The following ARHGAP6 variants were observed in gnomAD, a reference collection of about 807,000 sequenced individuals.
ARHGAP6 encodes the protein rho GTPase-activating protein 6.
In ARHGAP6, 16 loss-of-function variants were observed where a neutral mutation model predicts 55.7. The ratio of observed to expected loss-of-function variants is 0.29; its 90% CI spans 0.19 to 0.44. The LOEUF (loss-of-function observed/expected upper bound fraction) is 0.44. Ranked by LOEUF, ARHGAP6 falls within the 20% of genes least tolerant of loss-of-function variation. ARHGAP6 has a pLI of 1.00. For synonymous variants in ARHGAP6, 382 were observed against 360.9 expected, an observed-to-expected ratio of 1.06 and a Z score of -0.66; for missense variants, 698 against 808.9, an observed-to-expected ratio of 0.86 and a Z score of 1.66.
intron 1 of ARHGAP6, among the ~76,000 whole-genome samples, chrX:11,378,454 TA>T (rs1440397278): frequency 8.9e-6 from 1 of 112,326 alleles, no homozygotes; most frequent in East Asian, 2.8e-4. Flanking sequence ...ATAACTGGAA[TA>T]TTTTTTCTTT....
intron 1 of ARHGAP6, among the ~76,000 whole-genome samples, chrX:11,469,355 C>T (rs1311310936): frequency 8.9e-6 from 1 of 112,458 alleles, no homozygotes; most frequent in East Asian, 2.8e-4. Flanking sequence ...TAATTAGTTA[C>T]TTTTCTATTT....
chrX:11,488,823 C>A (rs367584079), intron 1 of ARHGAP6, among the ~76,000 whole-genome samples: 5 of 111,670 alleles, frequency 4.5e-5, no homozygotes, highest in African/African-American at 1.6e-4. Context: ...CCATCCCCCC[C>A]ACAACCCTGG....
intron 1 of ARHGAP6, among the ~76,000 whole-genome samples, chrX:11,380,630 G>A (rs914851589): frequency 2.7e-5 from 3 of 111,837 alleles, no homozygotes; most frequent in African/African-American, 9.8e-5. Context: ...GACAGGGCTC[G>A]TGATTCTGCA....
intron 1 of ARHGAP6, among the ~76,000 whole-genome samples, chrX:11,346,894 AC>A (rs1273778081): frequency 9.0e-6 from 1 of 110,669 alleles, no homozygotes; most frequent in Non-Finnish European, 1.9e-5. Flanking sequence ...AATTATAAAG[AC>A]CCAAATATTG....
chrX:11,169,549 C>A lies in ARHGAP6; in HGVS notation c.1765G>T (p.Ala589Ser), dbSNP rs769596416. The change falls in exon 9 of 13, where the codon GCT becomes TCT. Residue 589 changes from alanine (A) to serine (S), a missense_variant. Around this residue, in one of 3 missense-constraint regions of ARHGAP6, gnomAD observed 322 missense variants for 451.1 expected, o/e 0.71. Coordinates refer to ENST00000337414, the MANE Select transcript of ARHGAP6 (RefSeq NM_013427.3). ...TTTTCAATCATCTTTTGCACAACAG[C>A]GATGATGGCCGTGCTCTCCTCAGCC... is the stretch of plus-strand genomic sequence containing the variant. ...ARAEESTAII[A>S]VVQKMIENYE... 2.5e-6 allele frequency: 3 copies of A among 1,201,108 alleles called. No individual in the cohort carries two copies. The highest frequency in any genetic ancestry group is 3.4e-6 in the Non-Finnish European group (3 of 891,536).
intron 1 of ARHGAP6, among the ~76,000 whole-genome samples, chrX:11,320,635 C>T (rs890152355): frequency 5.4e-5 from 6 of 110,410 alleles, no homozygotes; most frequent in Admixed American, 1.9e-4. Context: ...TAAATTACAG[C>T]CACCTACAAC....
rs942840128 is a variant in ARHGAP6 at position 11,276,119 on chromosome X, A to C, written c.589-21412T>G. Among the ~76,000 whole-genome samples, 7 of 111,386 alleles carry C rather than the reference A, an allele frequency of 6.3e-5. No individual in the cohort carries two copies. The Admixed American group carries it at 6.7e-4, about 11-fold the overall frequency. ...CTTGTGATGTCTCATTGAGGGAGGAAAGAGGAGGGGTGGGAATGTTTAAAT... is the reference window on the plus strand; with the variant it reads ...CTTGTGATGTCTCATTGAGGGAGGACAGAGGAGGGGTGGGAATGTTTAAAT... On this transcript the variant is annotated intron_variant, in intron 1 of 12. Transcript: ENST00000337414.
intron 1 of ARHGAP6, among the ~76,000 whole-genome samples, chrX:11,508,496 C>T (rs1603236203): frequency 9.0e-6 from 1 of 111,460 alleles, no homozygotes; most frequent in Admixed American, 9.6e-5. Context: ...CTGACCCCGA[C>T]TGTAACCCCA....
At chrX:11,140,009 G>A (rs993243763) in intron 12 of ARHGAP6, among the ~76,000 whole-genome samples, 3 of 110,971 alleles carry the variant, frequency 2.7e-5, no homozygotes, top group Non-Finnish European at 5.7e-5. Context: ...AGGCAGGCCA[G>A]CCACTATGCA....
At chrX:11,247,137 G>A (rs1362115952) in intron 2 of ARHGAP6, among the ~76,000 whole-genome samples, 1 of 111,840 alleles carries the variant, frequency 8.9e-6, no homozygotes, top group East Asian at 2.8e-4. Context: ...CATTTTATAA[G>A]GAAGCCATAT....
At position 11,242,666 on chromosome X, in the gene ARHGAP6, G is replaced by T. The variant is rs780251284; in HGVS notation, c.748+11882C>A. ...TATCGGGGCAGGGAAAATGGCTTTT[G>T]CCAAGTCATTTTTTTAAGCTACATT... On this transcript the variant is annotated intron_variant, in intron 2 of 12. Coordinates refer to ENST00000337414, the MANE Select transcript of ARHGAP6 (RefSeq NM_013427.3). Among the ~76,000 whole-genome samples the T allele has an allele frequency of 1.3e-4, 15 of 111,718 alleles. No homozygotes were observed. The East Asian group carries it at 3.6e-3, about 27-fold the overall frequency.
intron 1 of ARHGAP6, among the ~76,000 whole-genome samples, chrX:11,347,141 T>G (rs185306587): frequency 8.9e-6 from 1 of 112,462 alleles, no homozygotes; most frequent in Non-Finnish European, 1.9e-5. Context: ...TAATGAAAAT[T>G]TATAGGCAAA....
Position 11,184,376 on chromosome X carries a change from C to T in ARHGAP6, c.1273+1860G>A, listed in dbSNP as rs181083039. Among the ~76,000 whole-genome samples, 938 of 112,371 alleles carry T rather than the reference C, an allele frequency of 8.3e-3. 9 individuals carry two copies. Among genetic ancestry groups the T allele is most frequent in the African/African-American group, 0.028 (876 of 30,978 alleles). ...GTGTTGGGATGACAGGCGTGAGCCA[C>T]GGTGCCCAGCCTTAAATCTTTATAA... On this transcript the variant is annotated intron_variant, in intron 5 of 12. Transcript: ENST00000337414.
At chrX:11,305,813 C>A (rs1167422231) in intron 1 of ARHGAP6, among the ~76,000 whole-genome samples, 1 of 111,638 alleles carries the variant, frequency 9.0e-6, no homozygotes, top group Non-Finnish European at 1.9e-5. Flanking sequence ...AAGAATGATT[C>A]TTTTGATTAA....
intron 1 of ARHGAP6, among the ~76,000 whole-genome samples, chrX:11,381,110 A>AAGC (rs2049257630): frequency 8.9e-6 from 1 of 112,832 alleles, no homozygotes; most frequent in African/African-American, 3.2e-5. Flanking sequence ...CCTGGCCCCA[A>AAGC]AGCAGCAGTC....
intron 1 of ARHGAP6, among the ~76,000 whole-genome samples, chrX:11,472,951 T>C (rs2050362899): frequency 1.8e-5 from 2 of 110,846 alleles, no homozygotes; most frequent in Non-Finnish European, 1.9e-5. Flanking sequence ...TCTCTAATTC[T>C]TGGCCCCACT....
Position 11,326,504 on chromosome X carries a change from G to A in ARHGAP6, c.589-71797C>T, listed in dbSNP as rs2048501231. Among the ~76,000 whole-genome samples the A allele has an allele frequency of 2.7e-5, 3 of 111,154 alleles. No homozygotes were observed. The Admixed American group carries it at 2.9e-4, about 11-fold the overall frequency. On this transcript the variant is annotated intron_variant, in intron 1 of 12. Coordinates refer to ENST00000337414, the MANE Select transcript of ARHGAP6 (RefSeq NM_013427.3). ...CTATTGTTGGCACCTCACAAAGCAG[G>A]AAACACAGTTGAAGGTTGAGGGGAT...
chrX:11,512,509 G>T (rs928871973), intron 1 of ARHGAP6, among the ~76,000 whole-genome samples: 2 of 111,002 alleles, frequency 1.8e-5, no homozygotes, highest in African/African-American at 6.5e-5. Flanking sequence ...CAAGAGTTGG[G>T]TCTATTTCTC....
Position 11,254,570 on chromosome X carries a change from G to A in ARHGAP6, c.726C>T (p.Ser242=). The A allele has an allele frequency of 8.3e-7, 1 of 1,210,462 alleles. No individual in the cohort carries two copies. The stretch of plus-strand genomic sequence containing the variant: ...TACCTTTGGGAATGGTGATCTGACA[G>A]CTCAGGTCACAGTCCTGTTGCAACT... The part of the protein sequence containing the change: ...FYQLQQDCDL[S]CQITIPKDGQ... Residue 242 remains serine, a synonymous_variant, in exon 2 of 13, where the codon AGC becomes AGT. Transcript: ENST00000337414.
Sources: allele counts gnomAD v4.1 joint callset (sites outside exome capture counted in the v4.1 genomes callset), GRCh38; gene constraint gnomAD v4.1.1; regional missense constraint gnomAD v4.1.1; transcripts MANE v1.5; gene names NCBI Gene and HGNC (gene_info 2026-07-23, HGNC 2026-07-21).